Variants in RAB11FIP3 observed in about 807,000 individuals in gnomAD.
RAB11FIP3 encodes the protein RAB11 family interacting protein 3.
Under a neutral mutation model 77.8 loss-of-function variants are expected in RAB11FIP3, and 17 were observed. The ratio of observed to expected loss-of-function variants is 0.22; its 90% CI spans 0.15 to 0.33. The LOEUF (loss-of-function observed/expected upper bound fraction) is 0.33. RAB11FIP3 is among the 10% of genes least tolerant of loss of function. The pLI is 1.00. For synonymous variants in RAB11FIP3, 437 were observed against 448.2 expected, an observed-to-expected ratio of 0.98 and a Z score of 0.31; for missense variants, 1,005 against 1,011.2, an observed-to-expected ratio of 0.99 and a Z score of 0.08.
intron 1 of RAB11FIP3, among the ~76,000 whole-genome samples, chr16:458,603 C>T (rs538714479): frequency 5.9e-5 from 9 of 152,270 alleles, no homozygotes; most frequent in Non-Finnish European, 1.2e-4. Context: ...GGGCCTTCCT[C>T]GGGTTCACCG....
intron 1 of RAB11FIP3, among the ~76,000 whole-genome samples, chr16:440,090 C>G (rs201469423): frequency 8.6e-5 from 13 of 151,994 alleles, no homozygotes; most frequent in East Asian, 1.9e-4. Context: ...TCCGCCCCCC[C>G]CATCGGCCTC....
chr16:450,519 T>C (rs2055389622), intron 1 of RAB11FIP3, among the ~76,000 whole-genome samples: 1 of 152,164 alleles, frequency 6.6e-6, no homozygotes, highest in African/African-American at 2.4e-5. Context: ...TCTTCCTCCT[T>C]TACTTCCGCT....
At chr16:462,630 C>G (rs79098330) in intron 2 of RAB11FIP3, among the ~76,000 whole-genome samples, 1,689 of 35,266 alleles carry the variant, frequency 0.048, 7 homozygotes, top group African/African-American at 0.079. Flanking sequence ...TCCCCAGCAC[C>G]ATCCCTTCCC....
intron 1 of RAB11FIP3, among the ~76,000 whole-genome samples, chr16:453,223 C>T (rs1470833622): frequency 2.0e-5 from 3 of 151,118 alleles, no homozygotes; most frequent in Admixed American, 6.6e-5. Context: ...TACAGGTGCC[C>T]GCCACCACGC....
chr16:462,238 T>C (rs2055619656), intron 2 of RAB11FIP3, among the ~76,000 whole-genome samples: 1 of 152,138 alleles, frequency 6.6e-6, no homozygotes, highest in African/African-American at 2.4e-5. Context: ...TTTTTTTCTT[T>C]GAGACTGAGT....
intron 4 of RAB11FIP3, among the ~76,000 whole-genome samples, chr16:486,100 C>T (rs956394671): frequency 5.9e-5 from 9 of 152,098 alleles, no homozygotes; most frequent in Admixed American, 2.0e-4. Flanking sequence ...GATAGGGTTT[C>T]GCCATATTGG....
intron 3 of RAB11FIP3, among the ~76,000 whole-genome samples, chr16:480,286 C>CAAAAAAAAGAAAAAAAAAAAAAAAAAAAA (rs752259728): frequency 1.2e-5 from 1 of 80,024 alleles, no homozygotes; most frequent in African/African-American, 4.8e-5. Context: ...ACTCCTTCTC[C>CAAAAAAAAGAAAAAAAAAAAAAAAAAAAA]AAAAAAAAAA....
At chr16:473,777 T>C (rs1346667437) in intron 3 of RAB11FIP3, among the ~76,000 whole-genome samples, 1 of 152,092 alleles carries the variant, frequency 6.6e-6, no homozygotes, top group East Asian at 1.9e-4. Flanking sequence ...TAGTTGAGGG[T>C]TCACTCTTGG....
At chr16:462,325 G>A (rs1282029097) in intron 2 of RAB11FIP3, among the ~76,000 whole-genome samples, 2 of 152,144 alleles carry the variant, frequency 1.3e-5, no homozygotes, top group South Asian at 2.1e-4. Context: ...GGGTTCAAGC[G>A]ATTCTCCTGC....
At chr16:497,472 C>T (rs2031233097) in intron 6 of RAB11FIP3, 2 of 1,202,840 alleles carry the variant, frequency 1.7e-6, no homozygotes, top group Non-Finnish European at 2.1e-6. Context: ...TCTTTATCTG[C>T]TTTGCCTTCC....
At chr16:492,832 G>A (rs1186966450) in intron 5 of RAB11FIP3, among the ~76,000 whole-genome samples, 4 of 152,184 alleles carry the variant, frequency 2.6e-5, no homozygotes, top group African/African-American at 9.6e-5. Context: ...CTAGCTCCAA[G>A]ATGGCCATGG....
chr16:433,028 CTTTTTTT>C (rs920883186), intron 1 of RAB11FIP3, among the ~76,000 whole-genome samples: 13 of 40,868 alleles, frequency 3.2e-4, no homozygotes, highest in African/African-American at 1.1e-3. Flanking sequence ...CCATATTTAT[CTTTTTTT>C]TTTTTTTTTT....
chr16:494,491 G>A (rs989605286), intron 5 of RAB11FIP3, among the ~76,000 whole-genome samples: 4 of 151,612 alleles, frequency 2.6e-5, no homozygotes, highest in Non-Finnish European at 4.4e-5. Flanking sequence ...GCGTGGTGGC[G>A]GGCGCCTGTA....
chr16:473,003 C>T (rs896706762), intron 3 of RAB11FIP3, among the ~76,000 whole-genome samples: 1 of 152,208 alleles, frequency 6.6e-6, no homozygotes, highest in Non-Finnish European at 1.5e-5. Flanking sequence ...AAGATGCATC[C>T]TCTCCGAGAG....
intron 6 of RAB11FIP3, among the ~76,000 whole-genome samples, chr16:501,296 A>G (rs2031498105): frequency 1.3e-5 from 2 of 152,258 alleles, no homozygotes; most frequent in Non-Finnish European, 2.9e-5. Flanking sequence ...CCCATTTCAT[A>G]GGCAAGGAAG....
intron 2 of RAB11FIP3, among the ~76,000 whole-genome samples, chr16:468,791 T>G (rs948134358): frequency 3.3e-5 from 5 of 152,160 alleles, no homozygotes; most frequent in African/African-American, 1.2e-4. Context: ...CCTAATTAAT[T>G]GAAAATTGTT....
chr16:468,538 G>A (rs540693132), intron 2 of RAB11FIP3, among the ~76,000 whole-genome samples: 97 of 152,244 alleles, frequency 6.4e-4, no homozygotes, highest in African/African-American at 2.3e-3. Flanking sequence ...GTTCACTTCA[G>A]GTGTTAGCTC....
At chr16:509,706 CTAT>C (rs1567405433) in intron 8 of RAB11FIP3, among the ~76,000 whole-genome samples, 1 of 152,192 alleles carries the variant, frequency 6.6e-6, no homozygotes, top group African/African-American at 2.4e-5. Context: ...GGACTGGTCT[CTAT>C]ACCCACTTCC....
At chr16:477,169 G>A (rs1567379805) in intron 3 of RAB11FIP3, among the ~76,000 whole-genome samples, 1 of 151,770 alleles carries the variant, frequency 6.6e-6, no homozygotes, top group Non-Finnish European at 1.5e-5. Context: ...CAGGAGAATC[G>A]CTTGGACCTG....
Sources: gnomAD v4.1 joint callset for allele counts (sites outside exome capture counted in the v4.1 genomes callset) on GRCh38, gnomAD v4.1.1 for gene constraint, MANE v1.5 for transcripts, NCBI Gene and HGNC (gene_info 2026-07-23, HGNC 2026-07-21) for gene names.